The following VPS13C variants were observed in gnomAD, a reference collection of about 807,000 sequenced individuals.
VPS13C encodes the protein intermembrane lipid transfer protein VPS13C.
A neutral mutation model predicts 456.8 loss-of-function variants in VPS13C; 358 were observed. That is an observed-to-expected ratio of 0.78 (90% CI 0.72 to 0.86). The LOEUF is 0.86. Ranked by LOEUF, VPS13C falls within the 40% of genes least tolerant of loss-of-function variation. The pLI is 0.00. For synonymous variants in VPS13C, 1,578 were observed against 1,486.7 expected, an observed-to-expected ratio of 1.06 and a Z score of -1.41; for missense variants, 4,818 against 4,385.4, an observed-to-expected ratio of 1.10 and a Z score of -2.79.
intron 15 of VPS13C, among the ~76,000 whole-genome samples, chr15:62,005,546 T>C (rs920097471): frequency 1.3e-5 from 2 of 150,962 alleles, no homozygotes; most frequent in African/African-American, 2.5e-5. Context: ...ATGTGTGAAT[T>C]TGATCCTGTC....
intron 26 of VPS13C, 129 bp from the exon 27 acceptor site, chr15:61,972,893 A>C (rs2045597560): frequency 9.8e-7 from 1 of 1,019,982 alleles, no homozygotes. Context: ...GCATCAGAAT[A>C]GCTGCCTTTT....
chr15:62,015,198 T>C (rs2047187600), intron 9 of VPS13C, among the ~76,000 whole-genome samples: 1 of 152,208 alleles, frequency 6.6e-6, no homozygotes, highest in African/African-American at 2.4e-5. Context: ...ACACAGATTC[T>C]ATCCTCTTTA....
rs764642556 is a variant in VPS13C at position 61,919,300 on chromosome 15, A to C, written c.7627T>G (p.Ser2543Ala). ...CTTTGAAGTATTACCTGTAGAGGAG[A>C]GCGAAGGGTAATTACTTTATTCCCT... is the stretch of plus-strand genomic sequence containing the variant. ...TEGNKVITLRSPLQIKNHFSI... is the reference protein window; with the variant it reads ...TEGNKVITLRAPLQIKNHFSI... The change falls in exon 58 of 85, where the codon TCT becomes GCT. Residue 2543 changes from serine to alanine, a missense_variant. Coordinates refer to ENST00000644861, the MANE Select transcript of VPS13C (RefSeq NM_020821.3). 5.6e-6 allele frequency: 9 copies of C among 1,597,726 alleles called. No homozygotes were observed. The highest frequency in any genetic ancestry group is 7.7e-6 in the Non-Finnish European group (9 of 1,173,280).
At position 61,974,347 on chromosome 15, in the gene VPS13C, A is replaced by G; in HGVS notation, c.2479T>C (p.Tyr827His). The change falls in exon 25 of 85, where the codon TAT becomes CAT. Residue 827 changes from tyrosine (Y) to histidine (H), a missense_variant. Physicochemically the swap from Tyr to His is moderately conservative, Grantham distance 83. Transcript: ENST00000644861. ...GGCAAAGGTATACTGTTCATCAAAT[A>G]TAGCACATCTTTCATCTTCTGGTCA... The part of the protein sequence containing the change: ...ISDQKMKDVL[Y>H]LMNSIPLPQK... 6.2e-7 allele frequency: 1 copy of G among 1,612,824 alleles called. No individual in the cohort carries two copies. Among genetic ancestry groups the G allele is most frequent in the South Asian group, 1.1e-5 (1 of 91,046 alleles).
chr15:61,981,090 T>G (rs1179430166), intron 22 of VPS13C, among the ~76,000 whole-genome samples: 1 of 152,236 alleles, frequency 6.6e-6, no homozygotes, highest in Non-Finnish European at 1.5e-5. Flanking sequence ...TGCTTCTTTC[T>G]AATTAGGAAA....
At chr15:61,973,757 G>A (rs1191302364) in intron 25 of VPS13C, among the ~76,000 whole-genome samples, 3 of 152,080 alleles carry the variant, frequency 2.0e-5, no homozygotes, top group Admixed American at 6.5e-5. Flanking sequence ...ATCTACAAGG[G>A]CAAAACTAAG....
intron 43 of VPS13C, among the ~76,000 whole-genome samples, chr15:61,946,864 T>G (rs1315860884): frequency 2.0e-5 from 3 of 152,040 alleles, no homozygotes; most frequent in Non-Finnish European, 4.4e-5. Context: ...TGATGAATAG[T>G]CTTACTTCTA....
At chr15:61,895,112 A>G (rs1167130265) in intron 66 of VPS13C, among the ~76,000 whole-genome samples, 1 of 152,206 alleles carries the variant, frequency 6.6e-6, no homozygotes, top group Non-Finnish European at 1.5e-5. Flanking sequence ...GTTCCTGAAC[A>G]ATAAGTCAAT....
chr15:62,041,290 C>A, intron 3 of VPS13C, 34 bp downstream of exon 3: 1 of 1,582,496 alleles, frequency 6.3e-7, no homozygotes, highest in South Asian at 1.2e-5. Context: ...ACAATAGGAC[C>A]AAGAATAATT....
Position 61,969,469 on chromosome 15 carries a change from C to T in VPS13C, c.2758-17G>A. 2 of 1,479,992 alleles carry T rather than the reference C, an allele frequency of 1.4e-6. No individual in the cohort carries two copies. The highest frequency in any genetic ancestry group is 1.8e-6 in the Non-Finnish European group (2 of 1,106,466). The allele number at this position is 1,479,992 out of a possible 1,614,324, so 91.7% of individuals were successfully genotyped here. On this transcript the variant is annotated splice_polypyrimidine_tract_variant and intron_variant, in intron 27 of 84. Coordinates refer to ENST00000644861, the MANE Select transcript of VPS13C (RefSeq NM_020821.3). ...CAAAATCACCTAAAAGAATTAGAGT[C>T]AATGAAAAGTTGATAAGAAGTCTGA...
intron 3 of VPS13C, among the ~76,000 whole-genome samples, chr15:62,035,769 C>G (rs975293536): frequency 1.1e-4 from 17 of 151,994 alleles, no homozygotes; most frequent in Admixed American, 3.3e-4. Context: ...AACACATGTT[C>G]TCTCTTGGAA....
At chr15:62,053,819 A>AGAGTGGGATAAACTGTCAG (rs1596542266) in intron 1 of VPS13C, among the ~76,000 whole-genome samples, 1 of 152,188 alleles carries the variant, frequency 6.6e-6, no homozygotes, top group Non-Finnish European at 1.5e-5. Flanking sequence ...GGAAGTGTCA[A>AGAGTGGGATAAACTGTCAG]GAGTGGGATA....
At chr15:61,862,126 A>G (rs1376752817) in intron 82 of VPS13C, among the ~76,000 whole-genome samples, 5 of 152,040 alleles carry the variant, frequency 3.3e-5, no homozygotes, top group African/African-American at 1.2e-4. Context: ...AGGAAAAAGA[A>G]AAGAAAAGAG....
Position 62,023,477 on chromosome 15 carries a change from C to T in VPS13C, c.558G>A (p.Leu186=). 2 of 1,581,834 alleles carry T rather than the reference C, an allele frequency of 1.3e-6. No homozygotes were observed. Among genetic ancestry groups the T allele is most frequent in the Admixed American group, 1.8e-5 (1 of 54,480 alleles). ...EAKKDTFVEK[L]ATQVIKNVQV... ...GTACATTTTTTATTACTTGAGTTGC[C>T]AATTTTTCCACAAATGTATCCTTTT... Residue 186 remains leucine, a synonymous_variant, in exon 8 of 85, where the codon TTG becomes TTA. Coordinates refer to ENST00000644861, the MANE Select transcript of VPS13C (RefSeq NM_020821.3).
intron 51 of VPS13C, among the ~76,000 whole-genome samples, chr15:61,928,879 A>G (rs1240575239): frequency 6.6e-6 from 1 of 151,734 alleles, no homozygotes; most frequent in African/African-American, 2.4e-5. Flanking sequence ...GTGACAGCCC[A>G]TCTCGAAAAA....
chr15:61,980,551 G>A (rs1288650450), intron 22 of VPS13C, among the ~76,000 whole-genome samples: 2 of 151,932 alleles, frequency 1.3e-5, no homozygotes, highest in Non-Finnish European at 2.9e-5. Flanking sequence ...GAGGGCAGTT[G>A]TATAAGATTT....
At chr15:61,964,929 C>A (rs2045332368) in intron 30 of VPS13C, 68 bp from the exon 31 acceptor site, 1 of 1,430,310 alleles carries the variant, frequency 7.0e-7, no homozygotes. Flanking sequence ...CCACGACAGA[C>A]CCAAAAGATT....
At chr15:61,925,245 T>C (rs4774427) in intron 53 of VPS13C, among the ~76,000 whole-genome samples, 102,158 of 151,598 alleles carry the variant, frequency 0.67, 35,656 homozygotes, top group African/African-American at 0.86. Context: ...CATTTGTAGA[T>C]ATTAAAAAGT....
intron 8 of VPS13C, among the ~76,000 whole-genome samples, chr15:62,022,685 G>A (rs987955031): frequency 6.6e-6 from 1 of 151,776 alleles, no homozygotes; most frequent in Non-Finnish European, 1.5e-5. Context: ...TGTCAGTATT[G>A]CTTTAATTCA....
Sources: gnomAD v4.1 joint callset for allele counts (sites outside exome capture counted in the v4.1 genomes callset) on GRCh38, gnomAD v4.1.1 for gene constraint, MANE v1.5 for transcripts, NCBI Gene and HGNC (gene_info 2026-07-23, HGNC 2026-07-21) for gene names.